The following HGD variants were observed in gnomAD, a reference collection of about 807,000 sequenced individuals.
HGD encodes homogentisate 1,2-dioxygenase, also known as homogentisate oxidase.
In HGD, 61 loss-of-function variants were observed where a neutral mutation model predicts 60.8. That is an observed-to-expected ratio of 1.00 (90% CI 0.82 to 1.24). The LOEUF (loss-of-function observed/expected upper bound fraction) is 1.24. Ranked by LOEUF, HGD falls within the 50% of genes most tolerant of loss-of-function variation. The probability of loss-of-function intolerance (pLI) is 0.00; values close to 1 mark genes in which losing one functional copy is unlikely to be tolerated. For synonymous variants in HGD, 212 were observed against 187.7 expected (o/e 1.13, Z -1.06); for missense variants, 542 against 547.1 (o/e 0.99, Z 0.09).
chr3:120,633,215 C>G lies in HGD; in HGVS notation c.1120G>C (p.Asp374His), dbSNP rs981454067. 1.2e-5 allele frequency: 19 copies of G among 1,614,132 alleles called. No individual in the cohort carries two copies. The highest frequency in any genetic ancestry group is 1.6e-5 in the Non-Finnish European group (19 of 1,180,010). Residue 374 changes from aspartate to histidine, a missense_variant, in exon 13 of 14, where the codon GAT becomes CAT. This residue lies in a region of HGD where 537 missense variants were observed against 529.1 expected (regional missense o/e 1.01). Coordinates refer to ENST00000283871, the MANE Select transcript of HGD (RefSeq NM_000187.4). ...CTGGCCTTCTCAAAGCAGTCAGCAT[C>G]AGGTCCATGGGGGGTCATTGTGCTG... ...LHSTMTPHGPDADCFEKASKV... is the reference protein window; with the variant it reads ...LHSTMTPHGPHADCFEKASKV...
At position 120,647,622 on chromosome 3, in the gene HGD, C is replaced by T. The variant is rs573333704; in HGVS notation, c.469+255G>A. On this transcript the variant is annotated intron_variant, in intron 7 of 13. Coordinates refer to ENST00000283871, the MANE Select transcript of HGD (RefSeq NM_000187.4). The stretch of plus-strand genomic sequence containing the variant: ...ATTAGTCTTCATTTCTTTTCAGCTG[C>T]CCAGGTCTCCCACATCAGAAAGGTC... Among the ~76,000 whole-genome samples the T allele has an allele frequency of 2.9e-4, 44 of 152,220 alleles. No homozygotes were observed. The South Asian group carries it at 3.1e-3, about 11-fold the overall frequency.
intron 4 of HGD, among the ~76,000 whole-genome samples, chr3:120,669,602 G>A (rs1285130578): frequency 2.6e-5 from 4 of 152,066 alleles, no homozygotes; most frequent in African/African-American, 4.8e-5. Flanking sequence ...ACCTACTCTT[G>A]TGCCAATCAT....
intron 10 of HGD, among the ~76,000 whole-genome samples, chr3:120,642,515 T>C (rs1424336220): frequency 1.3e-5 from 2 of 152,192 alleles, no homozygotes; most frequent in Admixed American, 1.3e-4. Flanking sequence ...ATTTCACAAC[T>C]AGCACTCTGA....
chr3:120,638,162 G>C (rs1433148821), intron 12 of HGD, among the ~76,000 whole-genome samples: 1 of 152,146 alleles, frequency 6.6e-6, no homozygotes, highest in East Asian at 1.9e-4. Flanking sequence ...ACAGATGCCA[G>C]CACCATGCTG....
At chr3:120,638,737 G>A (rs572090392) in intron 11 of HGD, among the ~76,000 whole-genome samples, 156 bp from the exon 12 acceptor site, 1 of 152,228 alleles carries the variant, frequency 6.6e-6, no homozygotes, top group East Asian at 1.9e-4. Context: ...GGATACATAT[G>A]CAGTTTTGTT....
chr3:120,669,483 A>ACACACACACC (rs1455844316), intron 4 of HGD, among the ~76,000 whole-genome samples: 5 of 148,470 alleles, frequency 3.4e-5, no homozygotes, highest in African/African-American at 1.2e-4. Flanking sequence ...ACACACACAC[A>ACACACACACC]CACGCAGACT....
At chr3:120,654,519 C>G (rs912995208) in intron 4 of HGD, among the ~76,000 whole-genome samples, 1 of 152,204 alleles carries the variant, frequency 6.6e-6, no homozygotes, top group Non-Finnish European at 1.5e-5. Context: ...ACCAACCAAC[C>G]CACCAACTGA....
intron 1 of HGD, among the ~76,000 whole-genome samples, chr3:120,679,123 A>G (rs959118220): frequency 6.6e-6 from 1 of 152,236 alleles, no homozygotes; most frequent in Non-Finnish European, 1.5e-5. Context: ...CCTGAGCTCC[A>G]TGTGACTTCA....
chr3:120,670,150 G>GT (rs1707992812), intron 4 of HGD: 2 of 460,876 alleles, frequency 4.3e-6, no homozygotes, highest in Non-Finnish European at 7.9e-6. Context: ...CGCCATGATT[G>GT]TAAGTTTCTT....
At position 120,633,464 on chromosome 3, in the gene HGD, A is replaced by G. The variant is rs1014460166; in HGVS notation, c.1007-136T>C. Reference sequence around the variant, plus strand: ...AAATTGTATAGGATTAATAAAGAATATGGATTGACAGAAGAACAATCATAA... The same window carrying G: ...AAATTGTATAGGATTAATAAAGAATGTGGATTGACAGAAGAACAATCATAA... On this transcript the variant is annotated intron_variant, in intron 12 of 13. Transcript: ENST00000283871. The G allele has an allele frequency of 4.5e-6, 7 of 1,555,364 alleles. No homozygotes were observed. In the African/African-American group the frequency reaches 6.8e-5, roughly 15 times the overall value.
chr3:120,652,720 G>A (rs2107522308), intron 4 of HGD, 69 bp from the exon 5 acceptor site: 3 of 1,027,030 alleles, frequency 2.9e-6, no homozygotes, highest in Non-Finnish European at 4.5e-6. Context: ...TAAATAAATA[G>A]CATCAATTAC....
rs1443780037 is a variant in HGD, at chr3:120,664,940, A to G, written c.282+5487T>C. 3.3e-5 allele frequency among the ~76,000 whole-genome samples: 5 copies of G among 152,336 alleles called. No homozygotes were observed. The South Asian group carries it at 8.3e-4, about 25-fold the overall frequency. On this transcript the variant is annotated intron_variant, in intron 4 of 13. Coordinates refer to ENST00000283871, the MANE Select transcript of HGD (RefSeq NM_000187.4). ...ATTAGAGAGTGATGCACTATTGTGT[A>G]AAGAGGGTATAAATATTTTCAATAG...
intron 1 of HGD, among the ~76,000 whole-genome samples, chr3:120,679,640 A>G (rs1708197328): frequency 6.6e-6 from 1 of 152,212 alleles, no homozygotes; most frequent in Non-Finnish European, 1.5e-5. Flanking sequence ...AGAGGGAGGC[A>G]AAGGGAGATT....
chr3:120,637,699 C>T (rs1357759483), intron 12 of HGD, among the ~76,000 whole-genome samples: 1 of 152,108 alleles, frequency 6.6e-6, no homozygotes, highest in African/African-American at 2.4e-5. Context: ...AAACAACAGA[C>T]TAACTAACAA....
chr3:120,675,894 T>A, intron 1 of HGD, 31 bp from the exon 2 acceptor site: 2 of 1,544,122 alleles, frequency 1.3e-6, no homozygotes, highest in Non-Finnish European at 1.8e-6. Context: ...AATGCCACCA[T>A]TAGCAGGATT....
intron 5 of HGD, among the ~76,000 whole-genome samples, chr3:120,651,633 C>A (rs1941344294): frequency 6.6e-6 from 1 of 152,190 alleles, no homozygotes; most frequent in South Asian, 2.1e-4. Context: ...ACAATTTATC[C>A]TATGGCTCGG....
In HGD at chr3:120,647,910, A is replaced by C; in HGVS notation, c.436T>G (p.Cys146Gly). Residue 146 changes from cysteine (C) to glycine (G), a missense_variant and splice_region_variant, in exon 7 of 14, where the codon TGC (cysteine) becomes GGC (glycine). By Grantham distance (159) the Cys-to-Gly change is radical. This residue lies in a region of HGD where 537 missense variants were observed against 529.1 expected (regional missense o/e 1.01). Transcript: ENST00000283871. ...FLCNTSMENR[C>G]FYNSDGDFLI... ...AAGTCCCCATCTGAATTGTAAAAGC[A>C]TCTGAAACATATAGAGTAATTCTTG... The C allele has an allele frequency of 6.2e-7, 1 of 1,608,802 alleles. No homozygotes were observed. The highest frequency in any genetic ancestry group is 8.5e-7 in the Non-Finnish European group (1 of 1,175,084).
At chr3:120,659,441 A>G (rs1289273084) in intron 4 of HGD, among the ~76,000 whole-genome samples, 1 of 152,206 alleles carries the variant, frequency 6.6e-6, no homozygotes, top group Non-Finnish European at 1.5e-5. Context: ...AGCACAATGC[A>G]GTCAAGTTCT....
chr3:120,669,075 G>A (rs1707966929), intron 4 of HGD, among the ~76,000 whole-genome samples: 1 of 152,082 alleles, frequency 6.6e-6, no homozygotes, highest in Non-Finnish European at 1.5e-5. Flanking sequence ...CCAAAAGGAG[G>A]AAACTCCTAG....
Sources: allele counts gnomAD v4.1 joint callset (sites outside exome capture counted in the v4.1 genomes callset), GRCh38; gene constraint gnomAD v4.1.1; regional missense constraint gnomAD v4.1.1; transcripts MANE v1.5; gene names NCBI Gene and HGNC (gene_info 2026-07-23, HGNC 2026-07-21).